Variants in GOLT1B observed in about 807,000 individuals in gnomAD.
GOLT1B encodes vesicle transport protein GOT1B.
In GOLT1B, 3 loss-of-function variants were observed where a neutral mutation model predicts 15.4. The observed-to-expected ratio is 0.19, with a 90% CI of 0.09 to 0.50. GOLT1B has a LOEUF of 0.50. Among genes scored for constraint, GOLT1B ranks in the 20% least tolerant of loss-of-function variants. GOLT1B has a pLI of 0.97. For missense variants in GOLT1B, 145 were observed against 160.4 expected (o/e 0.90, Z 0.52); for synonymous variants, 65 against 56.2 (o/e 1.16, Z -0.70).
At chr12:21,509,396 C>CAAAAAAAAAAAAA (rs71053318) in intron 3 of GOLT1B, among the ~76,000 whole-genome samples, 8 of 74,038 alleles carry the variant, frequency 1.1e-4, no homozygotes, top group Admixed American at 6.6e-4. Flanking sequence ...GACTCTGTCT[C>CAAAAAAAAAAAAA]AAAAAAAAAA....
chr12:21,503,056 G>A (rs1943648851), intron 1 of GOLT1B, among the ~76,000 whole-genome samples: 1 of 152,212 alleles, frequency 6.6e-6, no homozygotes. Flanking sequence ...TCCCTCCTGA[G>A]GCTGGACTGG....
At position 21,512,373 on chromosome 12, in the gene GOLT1B, A is replaced by G. The variant is rs776644708; in HGVS notation, c.375A>G (p.Arg125=). The G allele has an allele frequency of 7.3e-7, 1 of 1,375,434 alleles. No individual in the cohort carries two copies. Among genetic ancestry groups the G allele is most frequent in the African/African-American group, 1.4e-5 (1 of 70,460 alleles). 85.2% of individuals were successfully genotyped at this position (1,375,434 alleles called of 1,614,324 possible). A position where few individuals can be genotyped will look rare whatever the true frequency, so the allele number is the denominator to read the frequency against. The change falls in exon 4 of 5, where the codon AGA becomes AGG. Residue 125 remains arginine, a synonymous_variant. Transcript: ENST00000229314. ...CCCTCCTAAATTTACCTGGAATTAG[A>G]TCAGTAAGTAATCATGTATATTTTA... The part of the protein sequence containing the change: ...LGSLLNLPGI[R]SFVDKVGESN...
chr12:21,508,633 A>G, intron 3 of GOLT1B, 72 bp downstream of exon 3: 1 of 770,104 alleles, frequency 1.3e-6, no homozygotes. Flanking sequence ...AGATATTTGC[A>G]TCAGTTGGAG....
chr12:21,509,974 G>T (rs1265736160), intron 3 of GOLT1B, among the ~76,000 whole-genome samples: 1 of 152,176 alleles, frequency 6.6e-6, no homozygotes, highest in Non-Finnish European at 1.5e-5. Flanking sequence ...TTGGGCTGGG[G>T]GAGCAGTGTT....
chr12:21,511,109 A>G (rs773436745), intron 3 of GOLT1B, among the ~76,000 whole-genome samples: 24 of 152,258 alleles, frequency 1.6e-4, no homozygotes, highest in Non-Finnish European at 2.4e-4. Context: ...TCCACTCCCA[A>G]TGATGCCAGC....
At chr12:21,511,679 A>G (rs1324399588) in intron 3 of GOLT1B, among the ~76,000 whole-genome samples, 4 of 152,208 alleles carry the variant, frequency 2.6e-5, no homozygotes, top group African/African-American at 9.6e-5. Context: ...TAAGCCAGAA[A>G]ATGAGGTCAA....
chr12:21,507,175 A>G, intron 2 of GOLT1B, 199 bp downstream of exon 2: 2 of 592,440 alleles, frequency 3.4e-6, no homozygotes, highest in South Asian at 1.7e-5. Context: ...GAGGTTTTCT[A>G]ATTCCATAAC....
intron 3 of GOLT1B, among the ~76,000 whole-genome samples, chr12:21,509,127 G>A (rs183635500): frequency 2.2e-4 from 34 of 152,070 alleles, no homozygotes; most frequent in African/African-American, 7.2e-4. Context: ...GGCCAGGTGC[G>A]GTGGCTCACA....
chr12:21,513,250 G>A (rs1397918608), intron 4 of GOLT1B, among the ~76,000 whole-genome samples: 1 of 152,122 alleles, frequency 6.6e-6, no homozygotes, highest in African/African-American at 2.4e-5. Context: ...AAGAGTTAAA[G>A]AGAATGTTTT....
chr12:21,512,409 A>G, intron 4 of GOLT1B, 33 bp downstream of exon 4: 1 of 978,154 alleles, frequency 1.0e-6, no homozygotes, highest in South Asian at 1.4e-5. Context: ...GGCCAACAAA[A>G]TACGTATTTT....
chr12:21,503,560 C>A (rs1943656599), intron 1 of GOLT1B, among the ~76,000 whole-genome samples: 1 of 152,142 alleles, frequency 6.6e-6, no homozygotes, highest in African/African-American at 2.4e-5. Flanking sequence ...GGGCATTCTC[C>A]CTGAGAAGCA....
Position 21,508,574 on chromosome 12 carries a change from ATT to A in GOLT1B, c.296+14_296+15del. The A allele has an allele frequency of 7.3e-7, 1 of 1,361,634 alleles. No individual in the cohort carries two copies. Among genetic ancestry groups the A allele is most frequent in the Non-Finnish European group, 1.0e-6 (1 of 959,496 alleles). The allele number at this position is 1,361,634 out of a possible 1,614,324, so 84.3% of individuals were successfully genotyped here. On this transcript the variant is annotated intron_variant, in intron 3 of 4. Coordinates refer to ENST00000229314, the MANE Select transcript of GOLT1B (RefSeq NM_016072.5). ...TTCTCTTGTTCAGGTAAGGCATATT[ATT>A]GTCTCTTTCAGTAAATCAGTGTGTC...
At chr12:21,505,381 T>G (rs1042515793) in intron 1 of GOLT1B, among the ~76,000 whole-genome samples, 1 of 152,212 alleles carries the variant, frequency 6.6e-6, no homozygotes, top group African/African-American at 2.4e-5. Flanking sequence ...GTCCATATTT[T>G]CCTCTATGAA....
intron 4 of GOLT1B, among the ~76,000 whole-genome samples, chr12:21,514,456 G>A (rs749785718): frequency 2.0e-5 from 3 of 152,152 alleles, no homozygotes; most frequent in African/African-American, 7.2e-5. Flanking sequence ...GAACCTTACA[G>A]CCAAGACAAT....
At chr12:21,503,075 C>G (rs960265243) in intron 1 of GOLT1B, among the ~76,000 whole-genome samples, 2 of 152,228 alleles carry the variant, frequency 1.3e-5, no homozygotes, top group African/African-American at 2.4e-5. Context: ...GGGGCTGCCT[C>G]TTGGGGCCAC....
chr12:21,514,637 G>A (rs1943742973), intron 4 of GOLT1B, among the ~76,000 whole-genome samples: 1 of 152,114 alleles, frequency 6.6e-6, no homozygotes, highest in Non-Finnish European at 1.5e-5. Context: ...GCTTATAGGG[G>A]TATACTCTGA....
At chr12:21,513,315 T>C (rs1237712131) in intron 4 of GOLT1B, among the ~76,000 whole-genome samples, 1 of 152,130 alleles carries the variant, frequency 6.6e-6, no homozygotes, top group African/African-American at 2.4e-5. Flanking sequence ...CAACAAATGT[T>C]TCGTACTAAA....
chr12:21,503,332 G>A (rs1233530165), intron 1 of GOLT1B, among the ~76,000 whole-genome samples: 1 of 152,202 alleles, frequency 6.6e-6, no homozygotes, highest in East Asian at 1.9e-4. Flanking sequence ...AAAAGAAATT[G>A]AGTGCATGGT....
At chr12:21,508,358 G>T (rs768853899) in intron 2 of GOLT1B, 25 bp from the exon 3 acceptor site, 32 of 1,401,370 alleles carry the variant, frequency 2.3e-5, no homozygotes, top group Non-Finnish European at 5.9e-6. Flanking sequence ...TACCTTTTCC[G>T]TGTTGTATTT....
Sources: gnomAD v4.1 joint callset for allele counts (sites outside exome capture counted in the v4.1 genomes callset) on GRCh38, gnomAD v4.1.1 for gene constraint, MANE v1.5 for transcripts, NCBI Gene and HGNC (gene_info 2026-07-23, HGNC 2026-07-21) for gene names.